The following SDHC variants were observed in gnomAD, a reference collection of about 807,000 sequenced individuals.
SDHC encodes the protein succinate dehydrogenase cytochrome b560 subunit, mitochondrial.
In SDHC, 11 loss-of-function variants were observed where a neutral mutation model predicts 22.6. The observed-to-expected ratio is 0.49, with a 90% confidence interval of 0.31 to 0.81. The LOEUF (loss-of-function observed/expected upper bound fraction) is 0.81. SDHC is among the 30% of genes least tolerant of loss of function. The pLI is 0.05. For missense variants in SDHC, 160 were observed against 212.0 expected (o/e 0.75, Z 1.52); for synonymous variants, 80 against 77.8 (o/e 1.03, Z -0.15).
intron 3 of SDHC, among the ~76,000 whole-genome samples, 192 bp downstream of exon 3, chr1:161,328,689 A>G (rs1227489442): frequency 3.3e-5 from 5 of 152,242 alleles, no homozygotes; most frequent in Non-Finnish European, 7.3e-5. Flanking sequence ...GGAGATGACT[A>G]AATTCTATCT....
chr1:161,338,629 A>G (rs1671583747), intron 3 of SDHC, among the ~76,000 whole-genome samples: 3 of 152,226 alleles, frequency 2.0e-5, no homozygotes, highest in South Asian at 2.1e-4. Context: ...AGAAATATAT[A>G]CTAAATCCAG....
At chr1:161,319,222 A>AAAT (rs1558162031) in intron 1 of SDHC, among the ~76,000 whole-genome samples, 3,010 of 150,864 alleles carry the variant, frequency 0.02, 89 homozygotes, top group African/African-American at 0.069. Flanking sequence ...ACTCTGTCTT[A>AAAT]AAATAAATAA....
intron 4 of SDHC, among the ~76,000 whole-genome samples, chr1:161,340,906 C>T (rs1053362001): frequency 4.6e-5 from 7 of 152,094 alleles, no homozygotes; most frequent in African/African-American, 9.7e-5. Flanking sequence ...TGCAGTGGCG[C>T]GATCTCGGCT....
intron 4 of SDHC, among the ~76,000 whole-genome samples, chr1:161,342,100 T>C (rs1671738272): frequency 6.6e-6 from 1 of 152,198 alleles, no homozygotes; most frequent in South Asian, 2.1e-4. Flanking sequence ...TAGTATTGTA[T>C]TTCAACTGGC....
intron 1 of SDHC, chr1:161,314,725 A>G (rs1205447822): frequency 2.1e-6 from 1 of 475,262 alleles, no homozygotes; most frequent in Non-Finnish European, 3.8e-6. Context: ...GCCTGCACCC[A>G]GAGCCGAGCT....
intron 1 of SDHC, among the ~76,000 whole-genome samples, chr1:161,322,684 A>G (rs906742166): frequency 1.3e-5 from 2 of 150,876 alleles, no homozygotes; most frequent in East Asian, 1.9e-4. Flanking sequence ...CTCCCACCTC[A>G]GCCTCCAGAG....
At chr1:161,337,856 C>T (rs1055787727) in intron 3 of SDHC, among the ~76,000 whole-genome samples, 2 of 152,166 alleles carry the variant, frequency 1.3e-5, no homozygotes, top group South Asian at 4.1e-4. Flanking sequence ...AATTTCCTCA[C>T]CTCTTTAGGG....
At chr1:161,354,574 A>G (rs1247205854) in intron 4 of SDHC, among the ~76,000 whole-genome samples, 5 of 144,520 alleles carry the variant, frequency 3.5e-5, no homozygotes, top group Non-Finnish European at 7.6e-5. Flanking sequence ...TCCCCAAAAT[A>G]TTTTTTGGTG....
At chr1:161,360,371 G>C (rs1330913223) in intron 5 of SDHC, among the ~76,000 whole-genome samples, 1 of 147,988 alleles carries the variant, frequency 6.8e-6, no homozygotes, top group Admixed American at 6.8e-5. Context: ...CCTGGGCAAC[G>C]TGGCAAAACT....
chr1:161,358,693 G>A (rs1229903666), intron 5 of SDHC, among the ~76,000 whole-genome samples: 9 of 151,864 alleles, frequency 5.9e-5, no homozygotes, highest in Non-Finnish European at 1.2e-4. Context: ...TTGGGAGGCC[G>A]AGGCGGGCGG....
intron 4 of SDHC, among the ~76,000 whole-genome samples, chr1:161,341,950 A>T (rs1481843914): frequency 6.6e-6 from 1 of 152,202 alleles, no homozygotes; most frequent in Non-Finnish European, 1.5e-5. Flanking sequence ...GGTGAATACA[A>T]AATGAATACC....
intron 1 of SDHC, among the ~76,000 whole-genome samples, chr1:161,315,445 AG>A (rs1670572590): frequency 6.6e-6 from 1 of 152,180 alleles, no homozygotes; most frequent in Non-Finnish European, 1.5e-5. Context: ...CTTCTGTCTA[AG>A]GTATGCCAAG....
chr1:161,321,412 A>G (rs976573297), intron 1 of SDHC, among the ~76,000 whole-genome samples: 1 of 152,192 alleles, frequency 6.6e-6, no homozygotes, highest in Non-Finnish European at 1.5e-5. Flanking sequence ...GAAAGTTTAC[A>G]TTGATATTTG....
intron 1 of SDHC, among the ~76,000 whole-genome samples, chr1:161,318,825 G>A (rs1335964635): frequency 2.0e-5 from 3 of 151,910 alleles, no homozygotes; most frequent in Non-Finnish European, 4.4e-5. Context: ...CCTGAGGTCA[G>A]GAGTTCAAGA....
chr1:161,319,436 T>G (rs577404833), intron 1 of SDHC, among the ~76,000 whole-genome samples: 2 of 151,772 alleles, frequency 1.3e-5, no homozygotes, highest in East Asian at 1.9e-4. Context: ...ATTGGTTGTT[T>G]TTTTTTTTTT....
intron 3 of SDHC, among the ~76,000 whole-genome samples, chr1:161,336,386 C>T (rs1289217370): frequency 4.6e-5 from 7 of 151,192 alleles, no homozygotes; most frequent in South Asian, 2.1e-4. Context: ...ACCCGGGAGG[C>T]GGAGGTTGCA....
At chr1:161,317,480 A>G (rs572623161) in intron 1 of SDHC, among the ~76,000 whole-genome samples, 2 of 151,090 alleles carry the variant, frequency 1.3e-5, no homozygotes, top group African/African-American at 4.9e-5. Flanking sequence ...TTGTGGGGGA[A>G]CACTTGAAAT....
intron 2 of SDHC, among the ~76,000 whole-genome samples, chr1:161,324,186 A>G (rs1483716124): frequency 6.6e-6 from 1 of 152,186 alleles, no homozygotes; most frequent in Non-Finnish European, 1.5e-5. Context: ...TGCCCAGGCT[A>G]GAATGCAGTG....
chr1:161,332,574 CTT>C (rs1444286966), intron 3 of SDHC, among the ~76,000 whole-genome samples: 4 of 151,698 alleles, frequency 2.6e-5, no homozygotes, highest in Admixed American at 6.6e-5. Context: ...AGTTTAGTGG[CTT>C]TTGTTAAATG....
Sources: allele counts gnomAD v4.1 joint callset (sites outside exome capture counted in the v4.1 genomes callset), GRCh38; gene constraint gnomAD v4.1.1; transcripts MANE v1.5; gene names NCBI Gene and HGNC (gene_info 2026-07-23, HGNC 2026-07-21).